The following UPF2 variants were observed in gnomAD, a reference collection of about 807,000 sequenced individuals.
The protein encoded by UPF2 is UPF2 regulator of nonsense mediated mRNA decay, also known as regulator of nonsense transcripts 2.
A neutral mutation model predicts 141.4 loss-of-function variants in UPF2; 17 were observed. That is an observed-to-expected ratio of 0.12 (90% CI 0.08 to 0.18). UPF2 has a LOEUF of 0.18. Ranked by LOEUF, UPF2 falls within the 10% of genes least tolerant of loss-of-function variation. UPF2 has a pLI of 1.00. For missense variants in UPF2, 1,152 were observed against 1,515.9 expected (o/e 0.76, Z 3.99); for synonymous variants, 540 against 498.0 (o/e 1.08, Z -1.12).
In UPF2 at chr10:12,032,224, G is replaced by T. The variant is rs181134373; in HGVS notation, c.366-2700C>A. ...CAGGAGAATGGCTTGAACCTGGGAG[G>T]TGGAGGTTACGGTGAGCCGAGATCG... On this transcript the variant is annotated intron_variant, in intron 2 of 21. Coordinates refer to ENST00000357604, the MANE Select transcript of UPF2 (RefSeq NM_015542.4). 7.8e-3 allele frequency among the ~76,000 whole-genome samples: 1,192 copies of T among 151,980 alleles called. 71 individuals carry two copies. Among genetic ancestry groups the T allele is most frequent in the Admixed American group, 0.073 (1,119 of 15,234 alleles).
At chr10:11,961,149 G>A (rs374043124) in intron 11 of UPF2, among the ~76,000 whole-genome samples, 21 of 151,484 alleles carry the variant, frequency 1.4e-4, no homozygotes, top group Non-Finnish European at 2.8e-4. Context: ...TGGCAGGTGC[G>A]GGAAACTCAC....
chr10:11,950,355 A>C (rs1420991061), intron 15 of UPF2, among the ~76,000 whole-genome samples: 1 of 152,248 alleles, frequency 6.6e-6, no homozygotes, highest in African/African-American at 2.4e-5. Flanking sequence ...TTGGTTTATC[A>C]GTAGGAAACG....
intron 21 of UPF2, among the ~76,000 whole-genome samples, chr10:11,924,546 CCAGCCTGGGTAACAGAGCAA>C (rs1257267110): frequency 2.6e-5 from 4 of 152,058 alleles, no homozygotes; most frequent in Non-Finnish European, 5.9e-5. Flanking sequence ...TCACTGCACT[CCAGCCTGGGTAACAGAGCAA>C]CATGTCGTCT....
At position 12,014,157 on chromosome 10, in the gene UPF2, G is replaced by A. The variant is rs1019755090; in HGVS notation, c.1173C>T (p.Leu391=). The A allele has an allele frequency of 6.5e-7, 1 of 1,527,838 alleles. No individual in the cohort carries two copies. Among genetic ancestry groups the A allele is most frequent in the East Asian group, 2.5e-5 (1 of 40,670 alleles). 94.6% of individuals were successfully genotyped at this position (1,527,838 alleles called of 1,614,324 possible). A position where few individuals can be genotyped will look rare whatever the true frequency, so the allele number is the denominator to read the frequency against. The change falls in exon 4 of 22, where the codon CTC becomes CTT. Residue 391 remains leucine, a synonymous_variant. Coordinates refer to ENST00000357604, the MANE Select transcript of UPF2 (RefSeq NM_015542.4). This position sits in a 1 kb window ranked among gnomAD's most constrained non-coding sequence, Gnocchi z 5.0. ...CATACTGTTTATGTCTATCTTCACT[G>A]AGCTCCCCTTTAGAATGTAGAATGC... ...NRRILHSKGE[L]SEDRHKQYEE... is the part of the protein sequence containing the mutation.
At position 11,956,015 on chromosome 10, in the gene UPF2, G is replaced by A. The variant is rs1433857300; in HGVS notation, c.2574+305C>T. Among the ~76,000 whole-genome samples, 2 of 152,036 alleles carry A rather than the reference G, an allele frequency of 1.3e-5. No homozygotes were observed. The highest frequency in any genetic ancestry group is 2.9e-5 in the Non-Finnish European group (2 of 67,984). ...AAAAATTAGCTAGGCGTGGTGGCAT[G>A]CACCTGTAGTAGTCCCAGCTACTCG... On this transcript the variant is annotated intron_variant, in intron 13 of 21. Transcript: ENST00000357604. The surrounding 1 kb of genome is among the most constrained non-coding windows in gnomAD (Gnocchi z 4.2).
intron 9 of UPF2, among the ~76,000 whole-genome samples, chr10:11,978,238 G>A (rs946286360): frequency 2.0e-5 from 3 of 152,164 alleles, no homozygotes; most frequent in African/African-American, 4.8e-5. Flanking sequence ...AAGCGTGTGC[G>A]GACATTTCCC....
intron 16 of UPF2, among the ~76,000 whole-genome samples, chr10:11,948,039 G>C (rs1007683055): frequency 6.6e-5 from 10 of 151,908 alleles, no homozygotes; most frequent in African/African-American, 2.2e-4. Context: ...CCTGAAGTCA[G>C]GGGTTCAAGA....
intron 4 of UPF2, among the ~76,000 whole-genome samples, chr10:12,006,382 CT>C (rs1384825772): frequency 6.6e-6 from 1 of 152,176 alleles, no homozygotes; most frequent in Non-Finnish European, 1.5e-5. Flanking sequence ...CATTCATGAA[CT>C]TATCTACTCT....
chr10:11,941,082 T>C (rs1588528976), intron 18 of UPF2, among the ~76,000 whole-genome samples: 1 of 152,328 alleles, frequency 6.6e-6, no homozygotes, highest in African/African-American at 2.4e-5. Context: ...TGAAATGATA[T>C]ATTTGTTTAG....
intron 6 of UPF2, among the ~76,000 whole-genome samples, chr10:12,001,046 G>A (rs766664629): frequency 1.2e-4 from 18 of 152,130 alleles, no homozygotes; most frequent in Non-Finnish European, 1.9e-4. Flanking sequence ...TCAATCAGGA[G>A]AATGCTATCA....
At chr10:11,941,304 T>C (rs539026310) in intron 18 of UPF2, among the ~76,000 whole-genome samples, 8 of 152,364 alleles carry the variant, frequency 5.3e-5, no homozygotes, top group South Asian at 4.1e-4. Context: ...GGGATTATAA[T>C]GATTATGTTT....
chr10:11,945,936 G>C (rs1832994940), intron 16 of UPF2, among the ~76,000 whole-genome samples: 1 of 151,762 alleles, frequency 6.6e-6, no homozygotes, highest in Non-Finnish European at 1.5e-5. Flanking sequence ...TTCTATTACT[G>C]AATGTTTCTA....
At chr10:12,017,320 G>A (rs11257484) in intron 3 of UPF2, among the ~76,000 whole-genome samples, 7,965 of 152,222 alleles carry the variant, frequency 0.052, 282 homozygotes, top group Non-Finnish European at 0.08. Flanking sequence ...GTCATCCAAA[G>A]AACAAACATC....
rs145400468 is a variant in UPF2 at position 11,954,724 on chromosome 10, C to T, written c.2850+508G>A. On this transcript the variant is annotated intron_variant, in intron 14 of 21. Transcript: ENST00000357604. ...GGCGCGATGGTTCATGCCTGTAATC[C>T]TAACACTTTGGGAGGCTGACGCGGG... Among the ~76,000 whole-genome samples the T allele has an allele frequency of 1.8e-4, 26 of 147,210 alleles. 1 individual carries two copies. The East Asian group carries it at 5.1e-3, about 29-fold the overall frequency.
chr10:12,005,327 G>A (rs764847390), intron 4 of UPF2, among the ~76,000 whole-genome samples: 12 of 152,142 alleles, frequency 7.9e-5, no homozygotes, highest in Non-Finnish European at 1.2e-4. Context: ...AAAGTTTGAG[G>A]ACAGCCTCCC....
chr10:11,942,245 T>C (rs1564338997), intron 18 of UPF2, among the ~76,000 whole-genome samples: 1 of 152,078 alleles, frequency 6.6e-6, no homozygotes, highest in Non-Finnish European at 1.5e-5. Context: ...TGGTGGCACA[T>C]GCCTGTAATC....
Position 11,953,097 on chromosome 10 carries a change from C to A in UPF2, c.2851-848G>T, listed in dbSNP as rs1833098974. 6.6e-6 allele frequency among the ~76,000 whole-genome samples: 1 copy of A among 152,180 alleles called. No homozygotes were observed. The highest frequency in any genetic ancestry group is 2.4e-5 in the African/African-American group (1 of 41,446). Reference sequence around the variant, plus strand: ...GATATTTTCCCTCTCTACTCCAAGCCTGGTTCCCACATTCTATTTTATACT... The same window carrying A: ...GATATTTTCCCTCTCTACTCCAAGCATGGTTCCCACATTCTATTTTATACT... On this transcript the variant is annotated intron_variant, in intron 14 of 21. Coordinates refer to ENST00000357604, the MANE Select transcript of UPF2 (RefSeq NM_015542.4). This position sits in a 1 kb window ranked among gnomAD's most constrained non-coding sequence, Gnocchi z 5.0.
At chr10:11,986,381 A>G (rs1163576942) in intron 8 of UPF2, among the ~76,000 whole-genome samples, 1 of 152,090 alleles carries the variant, frequency 6.6e-6, no homozygotes, top group Non-Finnish European at 1.5e-5. Flanking sequence ...GTCAGTAAAC[A>G]GTCACTAACT....
chr10:11,920,866 G>A lies in UPF2; in HGVS notation c.*432C>T, dbSNP rs760422636. ...GCCCCCAAATGTATCTTCTTCCAAC[G>A]TGGGATGTTCAATTCAGAGACACTG... On this transcript the variant is annotated 3_prime_UTR_variant, in exon 22 of 22. Coordinates refer to ENST00000357604, the MANE Select transcript of UPF2 (RefSeq NM_015542.4). 2.4e-5 allele frequency: 9 copies of A among 382,200 alleles called. No homozygotes were observed. Among genetic ancestry groups the A allele is most frequent in the East Asian group, 7.3e-5 (1 of 13,746 alleles). 23.7% of individuals were successfully genotyped at this position (382,200 alleles called of 1,614,324 possible). A position where few individuals can be genotyped will look rare whatever the true frequency, so the allele number is the denominator to read the frequency against.
Sources: gnomAD v4.1 joint callset for allele counts (sites outside exome capture counted in the v4.1 genomes callset) on GRCh38, gnomAD v4.1.1 for gene constraint, Gnocchi (gnomAD v3.1) non-coding constraint, MANE v1.5 for transcripts, NCBI Gene and HGNC (gene_info 2026-07-23, HGNC 2026-07-21) for gene names.